The following TMEM131L variants were observed in gnomAD, a reference collection of about 807,000 sequenced individuals.
TMEM131L encodes the protein transmembrane protein 131-like.
TMEM131L carries 54 observed loss-of-function variants against 192.2 expected under a neutral mutation model. The ratio of observed to expected loss-of-function variants is 0.28; its 90% CI spans 0.23 to 0.35. The LOEUF is 0.35. TMEM131L is among the 10% of genes least tolerant of loss of function. The pLI is 1.00. For synonymous variants in TMEM131L, 701 were observed against 704.9 expected (o/e 0.99, Z 0.09); for missense variants, 1,888 against 1,972.9 (o/e 0.96, Z 0.82).
intron 3 of TMEM131L, among the ~76,000 whole-genome samples, chr4:153,511,669 ATATATG>A (rs140238411): frequency 6.6e-6 from 1 of 152,274 alleles, no homozygotes; most frequent in East Asian, 1.9e-4. Context: ...TTTTCCATCT[ATATATG>A]TATATGAACA....
intron 3 of TMEM131L, among the ~76,000 whole-genome samples, chr4:153,517,194 C>A (rs1734795600): frequency 6.6e-6 from 1 of 152,176 alleles, no homozygotes; most frequent in Admixed American, 6.5e-5. Flanking sequence ...TTTGCATGTA[C>A]TTATGAAGAT....
At chr4:153,551,629 T>TA (rs549635629) in intron 4 of TMEM131L, among the ~76,000 whole-genome samples, 396 of 151,962 alleles carry the variant, frequency 2.6e-3, no homozygotes, top group African/African-American at 8.9e-3. Context: ...GTGCTGGGAT[T>TA]ACAGGCATGA....
At position 153,602,338 on chromosome 4, in the gene TMEM131L, T is replaced by C; in HGVS notation, c.2453T>C (p.Val818Ala). 4 of 1,610,852 alleles carry C rather than the reference T, an allele frequency of 2.5e-6. No individual in the cohort carries two copies. Among genetic ancestry groups the C allele is most frequent in the Non-Finnish European group, 3.4e-6 (4 of 1,179,352 alleles). ...AACACATCCCGCGATATCAGCATTG[T>C]GTAAGCATTGGGCTTTAACTTGATT... ...DPNTSRDISI[V>A]FTPDFTSSWV... Residue 818 changes from valine to alanine, a missense_variant and splice_region_variant, in exon 22 of 35, where the codon GTG becomes GCG. Physicochemically the swap from Val to Ala is moderately conservative, Grantham distance 64. Transcript: ENST00000409959.
chr4:153,598,343 A>G (rs1022891143), intron 20 of TMEM131L, among the ~76,000 whole-genome samples: 5 of 151,994 alleles, frequency 3.3e-5, no homozygotes, highest in Non-Finnish European at 7.4e-5. Context: ...GGGGGTCATC[A>G]TTGTTTACAT....
intron 28 of TMEM131L, 106 bp from the exon 29 acceptor site, chr4:153,622,792 G>A (rs1733529144): frequency 6.6e-6 from 7 of 1,053,348 alleles, no homozygotes; most frequent in Non-Finnish European, 1.0e-5. Flanking sequence ...AGAGGTAGCT[G>A]AAGGTGAACC....
chr4:153,560,573 G>A (rs1194105245), intron 7 of TMEM131L, among the ~76,000 whole-genome samples: 4 of 152,128 alleles, frequency 2.6e-5, no homozygotes, highest in African/African-American at 4.8e-5. Flanking sequence ...CAGCCCTCAC[G>A]ATCACTGTCT....
chr4:153,608,661 G>A lies in TMEM131L; in HGVS notation c.3419-3591G>A, dbSNP rs367751453. On this transcript the variant is annotated intron_variant, in intron 25 of 34. Transcript: ENST00000409959. ...ATTCCTCACCTTTCTGAAATTATTG[G>A]TATTTGCAGAAATTCCAAAAATGTT... 9.1e-4 allele frequency among the ~76,000 whole-genome samples: 139 copies of A among 152,194 alleles called. 1 individual carries two copies. The highest frequency in any genetic ancestry group is 1.5e-3 in the African/African-American group (63 of 41,536).
At chr4:153,480,820 G>A (rs902332682) in intron 3 of TMEM131L, among the ~76,000 whole-genome samples, 4 of 152,128 alleles carry the variant, frequency 2.6e-5, no homozygotes, top group Non-Finnish European at 5.9e-5. Context: ...TAGCTTGCAG[G>A]TGCCACAAAA....
At chr4:153,613,386 G>A (rs1732767180) in intron 26 of TMEM131L, among the ~76,000 whole-genome samples, 1 of 152,146 alleles carries the variant, frequency 6.6e-6, no homozygotes, top group South Asian at 2.1e-4. Flanking sequence ...ACCAGGAGGT[G>A]GGATTGAGAG....
intron 9 of TMEM131L, among the ~76,000 whole-genome samples, chr4:153,582,178 T>A (rs28582749): frequency 0.13 from 20,095 of 152,110 alleles, 3,751 homozygotes; most frequent in African/African-American, 0.42. Context: ...GACTGTATAT[T>A]TGTATTCATA....
intron 3 of TMEM131L, among the ~76,000 whole-genome samples, chr4:153,503,577 G>T (rs1332927857): frequency 6.6e-6 from 1 of 152,078 alleles, no homozygotes; most frequent in Non-Finnish European, 1.5e-5. Flanking sequence ...AAAAAAAATT[G>T]GTGCATATTA....
chr4:153,603,385 C>G lies in TMEM131L; in HGVS notation c.2722C>G (p.Gln908Glu), dbSNP rs1197885388. The G allele has an allele frequency of 3.7e-6, 6 of 1,613,968 alleles. No homozygotes were observed. Among genetic ancestry groups the G allele is most frequent in the Non-Finnish European group, 5.1e-6 (6 of 1,179,892 alleles). ...LMEFMKTRQR[Q>E]NASSSSQQNN... ...GGAATTCATGAAAACAAGACAGAGG[C>G]AAAATGCTAGCTCCTCTTCACAGCA... The change falls in exon 24 of 35, where the codon CAA becomes GAA. Residue 908 changes from glutamine (Q) to glutamate (E), a missense_variant. Coordinates refer to ENST00000409959, the MANE Select transcript of TMEM131L (RefSeq NM_001131007.2).
At chr4:153,564,118 G>A (rs991722880) in intron 7 of TMEM131L, among the ~76,000 whole-genome samples, 4 of 151,600 alleles carry the variant, frequency 2.6e-5, no homozygotes, top group South Asian at 2.1e-4. Context: ...GTGAAACCCC[G>A]TCTCTACTAA....
intron 7 of TMEM131L, among the ~76,000 whole-genome samples, chr4:153,576,173 G>A (rs1444230263): frequency 6.6e-6 from 1 of 152,040 alleles, no homozygotes; most frequent in African/African-American, 2.4e-5. Flanking sequence ...TGTTAGCCAG[G>A]ATGGTCTTGA....
chr4:153,627,469 C>T (rs1397877654), intron 30 of TMEM131L, 136 bp from the exon 31 acceptor site: 2 of 621,250 alleles, frequency 3.2e-6, no homozygotes, highest in Non-Finnish European at 5.8e-6. Flanking sequence ...TCCTTTATAT[C>T]TGTATGTTTC....
chr4:153,622,823 CCTCT>C (rs1733532713), intron 28 of TMEM131L, 71 bp from the exon 29 acceptor site: 1 of 1,472,106 alleles, frequency 6.8e-7, no homozygotes, highest in Non-Finnish European at 9.5e-7. Flanking sequence ...CCTCCTGTCA[CCTCT>C]CTCTTTCTGT....
intron 7 of TMEM131L, among the ~76,000 whole-genome samples, chr4:153,567,530 T>A (rs1729302725): frequency 6.9e-6 from 1 of 145,910 alleles, no homozygotes; most frequent in Non-Finnish European, 1.5e-5. Context: ...AAAGCTAGAT[T>A]TTTTTTTTCC....
intron 3 of TMEM131L, among the ~76,000 whole-genome samples, chr4:153,493,022 C>T (rs1218343174): frequency 6.6e-6 from 1 of 152,050 alleles, no homozygotes; most frequent in African/African-American, 2.4e-5. Context: ...TTTGTCTAAC[C>T]TCAAGGTAGG....
chr4:153,521,862 GT>G (rs34480228), intron 3 of TMEM131L, among the ~76,000 whole-genome samples: 5,249 of 137,052 alleles, frequency 0.038, 103 homozygotes, highest in African/African-American at 0.048. Flanking sequence ...TGTTTTCTGT[GT>G]TTTTTTTTTT....
Sources: allele counts gnomAD v4.1 joint callset (sites outside exome capture counted in the v4.1 genomes callset), GRCh38; gene constraint gnomAD v4.1.1; transcripts MANE v1.5; gene names NCBI Gene and HGNC (gene_info 2026-07-23, HGNC 2026-07-21).